Variants in B4GALT1 observed in about 807,000 individuals in gnomAD.
The protein encoded by B4GALT1 is N-acetyllactosamine synthase.
Under a neutral mutation model 34.9 loss-of-function variants are expected in B4GALT1, and 16 were observed. The observed-to-expected ratio is 0.46, with a 90% CI of 0.31 to 0.70. The LOEUF (loss-of-function observed/expected upper bound fraction) is 0.70, where lower values mean the gene tolerates loss of function less well. Ranked by LOEUF, B4GALT1 falls within the 30% of genes least tolerant of loss-of-function variation. The pLI, the probability that B4GALT1 is intolerant of heterozygous loss-of-function variation, is 0.05. For synonymous variants in B4GALT1, 221 were observed against 218.1 expected (o/e 1.01, Z -0.12); for missense variants, 445 against 530.5 (o/e 0.84, Z 1.58).
At chr9:33,104,876 G>C (rs1376466329) in intron 2 of B4GALT1, 3 of 406,114 alleles carry the variant, frequency 7.4e-6, no homozygotes, top group African/African-American at 6.4e-5. Context: ...GGAGTGCAGT[G>C]ACGTGCTAAG....
intron 1 of B4GALT1, 44 bp downstream of exon 1, chr9:33,166,714 G>GA (rs769952555): frequency 1.4e-6 from 2 of 1,461,960 alleles, no homozygotes; most frequent in South Asian, 2.8e-5. Context: ...GGGGAAATCC[G>GA]GGGGGGTCCC....
chr9:33,105,301 G>A (rs1436855917), intron 2 of B4GALT1, among the ~76,000 whole-genome samples: 9 of 151,882 alleles, frequency 5.9e-5, no homozygotes, highest in Non-Finnish European at 1.0e-4. Context: ...CACCACGCCT[G>A]GCTAATTTTG....
At chr9:33,170,656 C>T (rs2118373219), upstream of B4GALT1, among the ~76,000 whole-genome samples, 1 of 152,290 alleles carries the variant, frequency 6.6e-6, no homozygotes, top group South Asian at 2.1e-4. Context: ...TTGCAGAGTC[C>T]ACTGAGGCCT....
At chr9:33,154,937 C>T (rs1840575520) in intron 1 of B4GALT1, among the ~76,000 whole-genome samples, 1 of 152,034 alleles carries the variant, frequency 6.6e-6, no homozygotes, top group Non-Finnish European at 1.5e-5. Flanking sequence ...AAAGATTGGA[C>T]ACCCCTGGGT....
chr9:33,122,942 G>A lies in B4GALT1; in HGVS notation c.649-2336C>T, dbSNP rs570089642. Among the ~76,000 whole-genome samples the A allele has an allele frequency of 2.3e-3, 357 of 152,176 alleles. 1 individual carries two copies. Among genetic ancestry groups the A allele is most frequent in the Non-Finnish European group, 3.4e-3 (232 of 67,974 alleles). On this transcript the variant is annotated intron_variant, in intron 2 of 5. Transcript: ENST00000379731. ...GCAGATCACTTGAGGTCAGGAGTTCGAGACCAGCCTGGCCAACATGGTGAA... is the reference window on the plus strand; with the variant it reads ...GCAGATCACTTGAGGTCAGGAGTTCAAGACCAGCCTGGCCAACATGGTGAA...
intron 1 of B4GALT1, among the ~76,000 whole-genome samples, chr9:33,158,306 C>G (rs1840626817): frequency 6.6e-6 from 1 of 152,194 alleles, no homozygotes; most frequent in Non-Finnish European, 1.5e-5. Context: ...ACTCCAGCAG[C>G]CTTCAAGGCT....
At chr9:33,148,025 C>A (rs1340068182) in intron 1 of B4GALT1, among the ~76,000 whole-genome samples, 1 of 151,676 alleles carries the variant, frequency 6.6e-6, no homozygotes, top group Non-Finnish European at 1.5e-5. Flanking sequence ...CAGAGCAAAA[C>A]CCCAACTCTT....
In B4GALT1 at chr9:33,116,117, G is replaced by A. The variant is rs1183688932; in HGVS notation, c.837-4C>T. On this transcript the variant is annotated splice_polypyrimidine_tract_variant and splice_region_variant and intron_variant, in intron 3 of 5. Coordinates refer to ENST00000379731, the MANE Select transcript of B4GALT1 (RefSeq NM_001497.4). Reference sequence around the variant, plus strand: ...AAAATACTGAACATAAGGTAGGCTGGAGGAAAAACATACACACAGAAGGAG... The same window carrying A: ...AAAATACTGAACATAAGGTAGGCTGAAGGAAAAACATACACACAGAAGGAG... 1 of 1,612,544 alleles carries A rather than the reference G, an allele frequency of 6.2e-7. No individual in the cohort carries two copies. The highest frequency in any genetic ancestry group is 8.5e-7 in the Non-Finnish European group (1 of 1,179,046).
chr9:33,108,248 T>G (rs4879664), downstream of B4GALT1, among the ~76,000 whole-genome samples: 72,420 of 151,806 alleles, frequency 0.48, 18,828 homozygotes, highest in Admixed American at 0.59. Context: ...CAGGATTACT[T>G]AAGCCCAGGA....
chr9:33,178,466 A>C, the B4GALT1 span, among the ~76,000 whole-genome samples: 28 of 152,344 alleles, frequency 1.8e-4, no homozygotes, highest in African/African-American at 6.5e-4. Context: ...GTCACAACAC[A>C]AATAAACTGC....
downstream of B4GALT1, chr9:33,108,716 G>A (rs1839822354): frequency 6.6e-6 from 1 of 152,124 alleles, no homozygotes; most frequent in Non-Finnish European, 1.5e-5. Context: ...GAGCACATCA[G>A]TGAAAGGGTG....
At chr9:33,165,479 T>A (rs1404173085) in intron 1 of B4GALT1, among the ~76,000 whole-genome samples, 2 of 152,152 alleles carry the variant, frequency 1.3e-5, no homozygotes, top group Non-Finnish European at 2.9e-5. Context: ...AGGAATTTAA[T>A]TATCTGCTTA....
intron 1 of B4GALT1, among the ~76,000 whole-genome samples, chr9:33,161,866 C>T (rs1461311973): frequency 6.6e-6 from 1 of 152,162 alleles, no homozygotes; most frequent in Non-Finnish European, 1.5e-5. Flanking sequence ...ACTGGGTAAA[C>T]AGATAGCAGG....
chr9:33,132,078 C>A (rs1450948801), intron 2 of B4GALT1, among the ~76,000 whole-genome samples: 3 of 150,454 alleles, frequency 2.0e-5, no homozygotes, highest in Admixed American at 2.0e-4. Context: ...AAAGTTAACC[C>A]TTGGAGAAGG....
chr9:33,149,532 G>A (rs1004273844), intron 1 of B4GALT1, among the ~76,000 whole-genome samples: 6 of 152,100 alleles, frequency 3.9e-5, no homozygotes, highest in African/African-American at 1.4e-4. Context: ...CAATTTGCCC[G>A]CCTCAGCCTC....
At chr9:33,107,360 G>C (rs1355468367), downstream of B4GALT1, among the ~76,000 whole-genome samples, 1 of 152,152 alleles carries the variant, frequency 6.6e-6, no homozygotes, top group Non-Finnish European at 1.5e-5. Flanking sequence ...AAGGAGCCTG[G>C]ATATGTGGCA....
Position 33,111,075 on chromosome 9 carries a change from G to A in B4GALT1, c.*2379C>T, listed in dbSNP as rs192108272. 6.6e-6 allele frequency: 1 copy of A among 152,662 alleles called. No individual in the cohort carries two copies. Among genetic ancestry groups the A allele is most frequent in the East Asian group, 1.9e-4 (1 of 5,180 alleles). The allele number at this position is 152,662 out of a possible 1,614,324, so 9.5% of individuals were successfully genotyped here. A position where few individuals can be genotyped will look rare whatever the true frequency, so the allele number is the denominator to read the frequency against. On this transcript the variant is annotated 3_prime_UTR_variant, in exon 6 of 6. Coordinates refer to ENST00000379731, the MANE Select transcript of B4GALT1 (RefSeq NM_001497.4). ...CCCCCAGCCCTGAAATCCCCAGTAAGGAAACAGGACCCGCGGCATCTCACG... is the reference window on the plus strand; with the variant it reads ...CCCCCAGCCCTGAAATCCCCAGTAAAGAAACAGGACCCGCGGCATCTCACG...
chr9:33,176,483 G>A, the B4GALT1 span, among the ~76,000 whole-genome samples: 5 of 152,120 alleles, frequency 3.3e-5, no homozygotes, highest in African/African-American at 7.2e-5. Flanking sequence ...TTTAGGAGGC[G>A]CTGTTTTAAG....
chr9:33,173,778 C>T, the B4GALT1 span, among the ~76,000 whole-genome samples: 9 of 152,006 alleles, frequency 5.9e-5, no homozygotes, highest in Admixed American at 5.2e-4. Flanking sequence ...AGGAATATTA[C>T]AAGATGAACC....
Sources: gnomAD v4.1 joint callset for allele counts (sites outside exome capture counted in the v4.1 genomes callset) on GRCh38, gnomAD v4.1.1 for gene constraint, MANE v1.5 for transcripts, NCBI Gene and HGNC (gene_info 2026-07-23, HGNC 2026-07-21) for gene names.